APBB2: variants seen among roughly 807,000 people sequenced by gnomAD.
The protein encoded by APBB2 is amyloid beta precursor protein binding family B member 2, also known as Fe65-like 1.
APBB2 carries 38 observed loss-of-function variants against 82.5 expected under a neutral mutation model. The ratio of observed to expected loss-of-function variants is 0.46; its 90% confidence interval spans 0.36 to 0.60. The LOEUF (loss-of-function observed/expected upper bound fraction) is 0.60. APBB2 is among the 20% of genes least tolerant of loss of function. The probability of loss-of-function intolerance (pLI) is 0.00; values close to 1 mark genes in which losing one functional copy is unlikely to be tolerated. For missense variants in APBB2, 772 were observed against 972.3 expected (o/e 0.79, Z 2.74); for synonymous variants, 341 against 368.2 (o/e 0.93, Z 0.85).
At chr4:41,008,184 T>C (rs892990201) in intron 6 of APBB2, among the ~76,000 whole-genome samples, 3 of 152,204 alleles carry the variant, frequency 2.0e-5, no homozygotes, top group African/African-American at 4.8e-5. Flanking sequence ...TCGGAAAACC[T>C]AGGTTCAAGT....
intron 13 of APBB2, 29 bp from the exon 14 acceptor site, chr4:40,827,248 C>G: frequency 6.2e-7 from 1 of 1,605,104 alleles, no homozygotes; most frequent in Non-Finnish European, 8.5e-7. Flanking sequence ...AGCTTTGGAG[C>G]GTGGGTTCAA....
At chr4:40,953,054 G>A (rs1790638454) in intron 6 of APBB2, among the ~76,000 whole-genome samples, 1 of 152,104 alleles carries the variant, frequency 6.6e-6, no homozygotes, top group African/African-American at 2.4e-5. Context: ...CAGCACTTTG[G>A]GAGGTCAAGG....
At chr4:41,013,449 C>T in intron 6 of APBB2, 134 bp downstream of exon 6, 1 of 823,490 alleles carries the variant, frequency 1.2e-6, no homozygotes, top group Non-Finnish European at 1.9e-6. Flanking sequence ...AATAAATTGC[C>T]CAATTTTACC....
chr4:40,924,058 C>T (rs571147223), intron 10 of APBB2, among the ~76,000 whole-genome samples: 4 of 152,354 alleles, frequency 2.6e-5, no homozygotes, highest in African/African-American at 9.6e-5. Context: ...GGTCAGGGAG[C>T]CTGGCTTCGG....
At chr4:40,931,539 C>A (rs1038797347) in intron 10 of APBB2, among the ~76,000 whole-genome samples, 1 of 152,304 alleles carries the variant, frequency 6.6e-6, no homozygotes, top group African/African-American at 2.4e-5. Context: ...AGCCACTGTA[C>A]CAGCTTGCAA....
chr4:40,837,024 A>C (rs544198964), intron 12 of APBB2, among the ~76,000 whole-genome samples: 170 of 152,334 alleles, frequency 1.1e-3, no homozygotes, highest in African/African-American at 3.8e-3. Flanking sequence ...CACTGTGGTC[A>C]TACGTAAGAG....
chr4:41,206,739 C>G (rs1778030896), intron 1 of APBB2, among the ~76,000 whole-genome samples: 1 of 152,158 alleles, frequency 6.6e-6, no homozygotes, highest in African/African-American at 2.4e-5. Flanking sequence ...CTCAAGAAAC[C>G]TAACTCATGC....
Position 41,192,719 on chromosome 4 carries a change from G to A in APBB2, c.-417+21686C>T, listed in dbSNP as rs369399578. Among the ~76,000 whole-genome samples, 18 of 152,240 alleles carry A rather than the reference G, an allele frequency of 1.2e-4. No homozygotes were observed. In the East Asian group the frequency reaches 1.5e-3, roughly 13 times the overall value. The stretch of plus-strand genomic sequence containing the variant: ...AACAAGACTAGGAATCTAACGAACT[G>A]TACTATATTTGGGATTCCTGATAAA... On this transcript the variant is annotated intron_variant, in intron 1 of 17. Coordinates refer to ENST00000508593, the MANE Select transcript of APBB2 (RefSeq NM_004307.2).
chr4:41,032,296 T>C (rs529254429), intron 5 of APBB2, among the ~76,000 whole-genome samples: 1 of 152,290 alleles, frequency 6.6e-6, no homozygotes, highest in Admixed American at 6.5e-5. Context: ...TGAAGTCCTA[T>C]ATGATGTTTA....
chr4:40,935,361 C>A, intron 7 of APBB2: 5 of 496,380 alleles, frequency 1.0e-5, no homozygotes, highest in South Asian at 6.9e-5. Context: ...TAATTACTTA[C>A]CAAATAAATG....
rs1560446595 is a variant in APBB2 at position 40,982,291 on chromosome 4, AAGGAAG to A, written c.835+31286_835+31291del. Among the ~76,000 whole-genome samples the A allele has an allele frequency of 2.8e-3, 114 of 41,132 alleles. 16 individuals carry two copies. The highest frequency in any genetic ancestry group is 8.2e-3 in the African/African-American group (66 of 8,036). The allele number at this position is 41,132 out of a possible 152,430, so 27.0% of individuals were successfully genotyped here. A position where few individuals can be genotyped will look rare whatever the true frequency, so the allele number is the denominator to read the frequency against. On this transcript the variant is annotated intron_variant, in intron 6 of 17. Transcript: ENST00000508593. ...GAAAGAAAGAAAGAAAGAAGGAAGG[AAGGAAG>A]GAAGGAAGGAAAGAAAGAAAGAAAG...
chr4:41,144,841 G>A (rs1760247744), intron 1 of APBB2, among the ~76,000 whole-genome samples: 1 of 152,216 alleles, frequency 6.6e-6, no homozygotes, highest in African/African-American at 2.4e-5. Flanking sequence ...AGAACGGGCT[G>A]GGCATGGTGG....
chr4:40,910,676 C>T (rs912112623), intron 10 of APBB2, among the ~76,000 whole-genome samples: 2 of 152,224 alleles, frequency 1.3e-5, no homozygotes, highest in South Asian at 2.1e-4. Flanking sequence ...AAAGTGGCCC[C>T]GGATGTGCCA....
intron 12 of APBB2, among the ~76,000 whole-genome samples, chr4:40,884,484 T>A (rs1210144892): frequency 2.0e-5 from 3 of 152,094 alleles, no homozygotes; most frequent in Non-Finnish European, 4.4e-5. Context: ...AGGCCTTTTT[T>A]AAAACATCCT....
intron 10 of APBB2, among the ~76,000 whole-genome samples, chr4:40,916,030 C>T (rs1477567294): frequency 2.0e-5 from 3 of 151,962 alleles, no homozygotes; most frequent in Admixed American, 6.6e-5. Context: ...GGTCCCTGAC[C>T]GACTGGAACT....
At chr4:41,024,119 C>T (rs746128014) in intron 5 of APBB2, among the ~76,000 whole-genome samples, 93 of 152,070 alleles carry the variant, frequency 6.1e-4, no homozygotes, top group Non-Finnish European at 6.5e-4. Context: ...CTGAAATAAC[C>T]GGCTAGCCAT....
chr4:41,184,170 C>A (rs1236489565), intron 1 of APBB2, among the ~76,000 whole-genome samples: 2 of 152,086 alleles, frequency 1.3e-5, no homozygotes, highest in African/African-American at 4.8e-5. Flanking sequence ...GTAATGAGAG[C>A]CATGGGGAGC....
At chr4:40,912,856 A>G (rs1006129482) in intron 10 of APBB2, among the ~76,000 whole-genome samples, 1 of 152,206 alleles carries the variant, frequency 6.6e-6, no homozygotes, top group Non-Finnish European at 1.5e-5. Context: ...TCCTGCTGAT[A>G]CGCAGCAGAT....
chr4:41,006,138 T>C (rs1470499695), intron 6 of APBB2, among the ~76,000 whole-genome samples: 1 of 152,184 alleles, frequency 6.6e-6, no homozygotes, highest in Non-Finnish European at 1.5e-5. Context: ...TGCATAGAAC[T>C]TTCCAAAAAC....
Sources: allele counts gnomAD v4.1 joint callset (sites outside exome capture counted in the v4.1 genomes callset), GRCh38; gene constraint gnomAD v4.1.1; transcripts MANE v1.5; gene names NCBI Gene and HGNC (gene_info 2026-07-23, HGNC 2026-07-21).